DDO: variants seen among roughly 807,000 people sequenced by gnomAD.
DDO encodes D-aspartate oxidase.
DDO carries 16 observed loss-of-function variants against 16.8 expected under a neutral mutation model. The observed-to-expected ratio is 0.95, with a 90% CI of 0.65 to 1.45. The LOEUF is 1.45. Ranked by LOEUF, DDO falls within the 40% of genes most tolerant of loss-of-function variation. DDO has a pLI of 0.00. For synonymous variants in DDO, 180 were observed against 167.2 expected, an observed-to-expected ratio of 1.08 and a Z score of -0.59; for missense variants, 429 against 420.3, an observed-to-expected ratio of 1.02 and a Z score of -0.18.
intron 4 of DDO, 145 bp from the exon 5 acceptor site, chr6:110,393,487 C>A: frequency 8.7e-7 from 1 of 1,149,142 alleles, no homozygotes; most frequent in Non-Finnish European, 1.1e-6. Flanking sequence ...CCAGTCAGGC[C>A]AAATTCTAGC....
intron 2 of DDO, among the ~76,000 whole-genome samples, chr6:110,412,585 G>A (rs1324102804): frequency 6.6e-6 from 1 of 152,200 alleles, no homozygotes; most frequent in Non-Finnish European, 1.5e-5. Flanking sequence ...GTTGAAAGTC[G>A]CTTCCTGTCC....
At chr6:110,394,640 T>C (rs1018333566) in intron 4 of DDO, among the ~76,000 whole-genome samples, 5 of 152,142 alleles carry the variant, frequency 3.3e-5, no homozygotes, top group Non-Finnish European at 7.3e-5. Flanking sequence ...CAGACAGAAG[T>C]GTAAATGCTT....
At chr6:110,398,421 C>G (rs9374171) in intron 4 of DDO, among the ~76,000 whole-genome samples, 2 of 138,560 alleles carry the variant, frequency 1.4e-5, no homozygotes, top group Admixed American at 1.4e-4. Context: ...CACACACACA[C>G]ACACACTTGG....
In DDO at chr6:110,392,110, G is replaced by A; in HGVS notation, c.*665C>T. 7.9e-6 allele frequency: 7 copies of A among 886,454 alleles called. No homozygotes were observed. Among genetic ancestry groups the A allele is most frequent in the Non-Finnish European group, 9.5e-6 (7 of 739,550 alleles). The allele number at this position is 886,454 out of a possible 1,614,324, so 54.9% of individuals were successfully genotyped here. On this transcript the variant is annotated 3_prime_UTR_variant, in exon 5 of 5. Coordinates refer to ENST00000368924, the MANE Select transcript of DDO (RefSeq NM_001372108.2). ...CTACCATCATTACCAGCTGAGGGGA[G>A]GAAAAGCTTGCTGCTAGTACTAGGA... is the stretch of plus-strand genomic sequence containing the variant.
intron 4 of DDO, among the ~76,000 whole-genome samples, chr6:110,401,611 T>C (rs1773488627): frequency 6.6e-6 from 1 of 152,172 alleles, no homozygotes; most frequent in Non-Finnish European, 1.5e-5. Flanking sequence ...TAGGTACCAA[T>C]GAGTTCATCC....
At chr6:110,393,964 C>T (rs1773204185) in intron 4 of DDO, among the ~76,000 whole-genome samples, 1 of 152,124 alleles carries the variant, frequency 6.6e-6, no homozygotes, top group Non-Finnish European at 1.5e-5. Flanking sequence ...TACCTGTAGT[C>T]TTTATTTAAA....
chr6:110,410,006 A>G (rs1229696421), intron 2 of DDO, among the ~76,000 whole-genome samples: 1 of 152,234 alleles, frequency 6.6e-6, no homozygotes, highest in East Asian at 1.9e-4. Flanking sequence ...AGCACTTACT[A>G]TGTGCCAGGT....
chr6:110,392,053 A>G lies in DDO; in HGVS notation c.*722T>C. 3.0e-6 allele frequency: 1 copy of G among 333,610 alleles called. No individual in the cohort carries two copies. The highest frequency in any genetic ancestry group is 4.3e-6 in the Non-Finnish European group (1 of 234,074). 20.7% of individuals were successfully genotyped at this position (333,610 alleles called of 1,614,324 possible). ...GACCCCAGGCAGCTATTGAATTGATATGACATACATAGGCAACTTCATCTC... is the reference window on the plus strand; with the variant it reads ...GACCCCAGGCAGCTATTGAATTGATGTGACATACATAGGCAACTTCATCTC... On this transcript the variant is annotated 3_prime_UTR_variant, in exon 5 of 5. Transcript: ENST00000368924.
chr6:110,404,490 A>G (rs1324116468), intron 4 of DDO, among the ~76,000 whole-genome samples: 1 of 152,214 alleles, frequency 6.6e-6, no homozygotes, highest in African/African-American at 2.4e-5. Flanking sequence ...CTGTTTCAAT[A>G]AGAGGGTTTT....
At chr6:110,393,585 A>T (rs924817482) in intron 4 of DDO, among the ~76,000 whole-genome samples, 1 of 152,236 alleles carries the variant, frequency 6.6e-6, no homozygotes, top group African/African-American at 2.4e-5. Flanking sequence ...AAAGGAAATT[A>T]TATGCTTTGC....
Position 110,411,345 on chromosome 6 carries a change from A to G in DDO, c.172+1946T>C, listed in dbSNP as rs117338112. Among the ~76,000 whole-genome samples the G allele has an allele frequency of 2.6e-4, 40 of 151,860 alleles. 1 individual carries two copies. In the East Asian group the frequency reaches 7.0e-3, roughly 26 times the overall value. ...AAAGAATACCACACGGCCAAGAAAA[A>G]CCTCTATCATGAAAAATGAGAAAAT... On this transcript the variant is annotated intron_variant, in intron 2 of 4. Transcript: ENST00000368924.
At chr6:110,405,225 C>T (rs558744426) in intron 3 of DDO, among the ~76,000 whole-genome samples, 16 of 152,224 alleles carry the variant, frequency 1.1e-4, no homozygotes, top group African/African-American at 2.2e-4. Flanking sequence ...ATTTGTAGAG[C>T]CAGCGTCTTA....
At chr6:110,415,408 C>A in intron 1 of DDO, 59 bp downstream of exon 1, 2 of 1,604,678 alleles carry the variant, frequency 1.2e-6, no homozygotes, top group Non-Finnish European at 1.7e-6. Context: ...CAGACACACT[C>A]CCAAACTCCC....
rs1301414428 is a variant in DDO, at chr6:110,392,643, A to G, written c.*132T>C. 3 of 1,378,794 alleles carry G rather than the reference A, an allele frequency of 2.2e-6. No individual in the cohort carries two copies. The African/African-American group carries it at 4.4e-5, about 20-fold the overall frequency. The allele number at this position is 1,378,794 out of a possible 1,614,324, so 85.4% of individuals were successfully genotyped here. A position where few individuals can be genotyped will look rare whatever the true frequency, so the allele number is the denominator to read the frequency against. ...AGGCATGCCACCGTGCTCAGCTTAC[A>G]TGTTACACCACTTCTAATGTTGAAA... is the stretch of plus-strand genomic sequence containing the variant. On this transcript the variant is annotated 3_prime_UTR_variant, in exon 5 of 5. Coordinates refer to ENST00000368924, the MANE Select transcript of DDO (RefSeq NM_001372108.2).
intron 4 of DDO, among the ~76,000 whole-genome samples, chr6:110,402,431 G>A (rs1348977785): frequency 2.0e-5 from 3 of 152,136 alleles, no homozygotes; most frequent in Non-Finnish European, 2.9e-5. Context: ...TTGGGAGGCC[G>A]AGACGGGTGG....
intron 4 of DDO, among the ~76,000 whole-genome samples, chr6:110,398,505 C>T (rs1482790192): frequency 1.3e-5 from 2 of 152,042 alleles, no homozygotes; most frequent in East Asian, 1.9e-4. Flanking sequence ...TCCACTGAAG[C>T]TGAAGCCATG....
At position 110,413,474 on chromosome 6, in the gene DDO, G is replaced by C; in HGVS notation, c.-4-8C>G. On this transcript the variant is annotated splice_region_variant and splice_polypyrimidine_tract_variant and intron_variant, in intron 1 of 4. Coordinates refer to ENST00000368924, the MANE Select transcript of DDO (RefSeq NM_001372108.2). ...CGTGCTGTGTCCATGAGCCTGTGAG[G>C]AGGGAAATGGGAGCTATACCCCTTG... The C allele has an allele frequency of 6.2e-7, 1 of 1,611,880 alleles. No homozygotes were observed. Among genetic ancestry groups the C allele is most frequent in the Non-Finnish European group, 8.5e-7 (1 of 1,179,280 alleles).
At chr6:110,391,367 T>TTTTTA (rs1554220026), downstream of DDO, among the ~76,000 whole-genome samples, 2 of 146,252 alleles carry the variant, frequency 1.4e-5, no homozygotes, top group African/African-American at 4.9e-5. Flanking sequence ...TTTTTTTTTT[T>TTTTTA]GAGACGGAGT....
At chr6:110,412,498 A>G (rs1773892636) in intron 2 of DDO, among the ~76,000 whole-genome samples, 1 of 152,206 alleles carries the variant, frequency 6.6e-6, no homozygotes, top group East Asian at 1.9e-4. Context: ...TCCGGGAACT[A>G]TAGAATCACA....
Sources: allele counts gnomAD v4.1 joint callset (sites outside exome capture counted in the v4.1 genomes callset), GRCh38; gene constraint gnomAD v4.1.1; transcripts MANE v1.5; gene names NCBI Gene and HGNC (gene_info 2026-07-23, HGNC 2026-07-21).